The following RNGTT variants were observed in gnomAD, a reference collection of about 807,000 sequenced individuals.
The protein encoded by RNGTT is RNA guanylyltransferase and 5'-phosphatase, also known as mRNA-capping enzyme.
In RNGTT, 33 loss-of-function variants were observed where a neutral mutation model predicts 79.3. The ratio of observed to expected loss-of-function variants is 0.42; its 90% confidence interval spans 0.32 to 0.56. The LOEUF is 0.56. Ranked by LOEUF, RNGTT falls within the 20% of genes least tolerant of loss-of-function variation. RNGTT has a pLI of 0.17. For missense variants in RNGTT, 497 were observed against 739.1 expected (o/e 0.67, Z 3.80); for synonymous variants, 222 against 235.9 (o/e 0.94, Z 0.54).
chr6:88,864,330 G>A (rs979093502), intron 8 of RNGTT, among the ~76,000 whole-genome samples: 2 of 152,090 alleles, frequency 1.3e-5, no homozygotes, highest in Admixed American at 1.3e-4. Context: ...AAGTATAGTT[G>A]AAATGCAACA....
intron 14 of RNGTT, among the ~76,000 whole-genome samples, chr6:88,637,827 T>C (rs921438665): frequency 1.3e-5 from 2 of 152,072 alleles, no homozygotes; most frequent in Non-Finnish European, 2.9e-5. Context: ...AAAATGACTT[T>C]TATGAGCCTG....
intron 2 of RNGTT, among the ~76,000 whole-genome samples, chr6:88,938,044 G>C (rs1784725593): frequency 6.6e-6 from 1 of 152,102 alleles, no homozygotes. Flanking sequence ...ATGTCTGTTA[G>C]GTCCATTTAG....
At chr6:88,769,348 G>A (rs111249065) in intron 13 of RNGTT, among the ~76,000 whole-genome samples, 1 of 138 alleles carries the variant, frequency 7.2e-3, no homozygotes, top group African/African-American at 0.028. Flanking sequence ...TTTGGTAGAG[G>A]GGGGTTTCGT....
At position 88,868,148 on chromosome 6, in the gene RNGTT, C is replaced by CAA. The variant is rs758000624; in HGVS notation, c.897-14386_897-14385dup. 9.8e-4 allele frequency among the ~76,000 whole-genome samples: 129 copies of CAA among 132,300 alleles called. 1 individual carries two copies. The highest frequency in any genetic ancestry group is 3.2e-3 in the African/African-American group (118 of 37,340). The allele number at this position is 132,300 out of a possible 152,430, so 86.8% of individuals were successfully genotyped here. ...CTTACCACACTCTTTACCTGATTTCCAAAAAAAAAAAAACAGCTCTTTTAA... is the reference window on the plus strand; with the variant it reads ...CTTACCACACTCTTTACCTGATTTCCAAAAAAAAAAAAAAACAGCTCTTTTAA... On this transcript the variant is annotated intron_variant, in intron 8 of 15. Coordinates refer to ENST00000369485, the MANE Select transcript of RNGTT (RefSeq NM_003800.5).
intron 14 of RNGTT, among the ~76,000 whole-genome samples, chr6:88,632,477 G>A (rs1322493816): frequency 6.6e-6 from 1 of 151,310 alleles, no homozygotes; most frequent in East Asian, 1.9e-4. Context: ...ATTTAAGTTT[G>A]ATCCAGTTTA....
At chr6:88,709,578 TA>T (rs1199179655) in intron 13 of RNGTT, among the ~76,000 whole-genome samples, 2 of 152,216 alleles carry the variant, frequency 1.3e-5, no homozygotes, top group African/African-American at 4.8e-5. Flanking sequence ...GTAGTCATAT[TA>T]AAAAAGATGA....
rs140425521 is a variant in RNGTT at position 88,658,801 on chromosome 6, A to C, written c.1506+19552T>G. On this transcript the variant is annotated intron_variant, in intron 14 of 15. Transcript: ENST00000369485. ...GGCCTCCATGTTTCTCCTGTGCTGGATGCTTCCTGCCCTCAAACATCAGAC... is the reference window on the plus strand; with the variant it reads ...GGCCTCCATGTTTCTCCTGTGCTGGCTGCTTCCTGCCCTCAAACATCAGAC... 5.5e-3 allele frequency among the ~76,000 whole-genome samples: 838 copies of C among 152,292 alleles called. 8 individuals carry two copies. Among genetic ancestry groups the C allele is most frequent in the African/African-American group, 0.018 (728 of 41,564 alleles).
chr6:88,642,083 C>CTATA (rs1361993801), intron 14 of RNGTT, among the ~76,000 whole-genome samples: 2 of 152,042 alleles, frequency 1.3e-5, no homozygotes, highest in Admixed American at 6.6e-5. Context: ...AATCAAAGTA[C>CTATA]TATATCTTTC....
intron 11 of RNGTT, among the ~76,000 whole-genome samples, chr6:88,843,812 T>C (rs1242423944): frequency 2.0e-5 from 3 of 151,396 alleles, no homozygotes; most frequent in Admixed American, 1.3e-4. Flanking sequence ...CGCCTTGGCC[T>C]CCCAAAGTGC....
chr6:88,744,994 G>T (rs1333870892), intron 13 of RNGTT, among the ~76,000 whole-genome samples: 1 of 152,092 alleles, frequency 6.6e-6, no homozygotes, highest in Non-Finnish European at 1.5e-5. Flanking sequence ...TTAAAACAAA[G>T]TATTTTTCCT....
intron 8 of RNGTT, among the ~76,000 whole-genome samples, chr6:88,877,416 A>T (rs1782551883): frequency 6.6e-6 from 1 of 152,336 alleles, no homozygotes; most frequent in South Asian, 2.1e-4. Context: ...AAATCAGGTT[A>T]AAAATCACAA....
chr6:88,771,315 G>GTGTGTGTATGTATATA (rs1303688973), intron 12 of RNGTT, among the ~76,000 whole-genome samples: 1 of 62,070 alleles, frequency 1.6e-5, no homozygotes, highest in African/African-American at 6.6e-5. Context: ...GTGTGTGTGT[G>GTGTGTGTATGTATATA]TATATATATA....
chr6:88,875,095 T>C (rs1411837967), intron 8 of RNGTT, among the ~76,000 whole-genome samples: 4 of 152,116 alleles, frequency 2.6e-5, no homozygotes, highest in Non-Finnish European at 5.9e-5. Flanking sequence ...AACAGTTATC[T>C]ATTAAAGCAG....
At chr6:88,663,662 C>T (rs956428635) in intron 14 of RNGTT, among the ~76,000 whole-genome samples, 1 of 152,140 alleles carries the variant, frequency 6.6e-6, no homozygotes, top group African/African-American at 2.4e-5. Context: ...GCCCACAGCC[C>T]CTGAGCCTCT....
chr6:88,715,463 T>C (rs1776476439), intron 13 of RNGTT, among the ~76,000 whole-genome samples: 1 of 152,198 alleles, frequency 6.6e-6, no homozygotes, highest in South Asian at 2.1e-4. Flanking sequence ...TGGAAAAAAC[T>C]ACTTTAAAGT....
At chr6:88,933,386 TAAC>T (rs1562051538) in intron 2 of RNGTT, among the ~76,000 whole-genome samples, 2 of 152,206 alleles carry the variant, frequency 1.3e-5, no homozygotes, top group Non-Finnish European at 2.9e-5. Flanking sequence ...ATGTTTGCAC[TAAC>T]CAACCTCCCT....
chr6:88,869,149 T>C (rs1299500932), intron 8 of RNGTT, among the ~76,000 whole-genome samples: 1 of 152,142 alleles, frequency 6.6e-6, no homozygotes, highest in Non-Finnish European at 1.5e-5. Context: ...AAAATCTAAA[T>C]AACAAAACCG....
chr6:88,788,740 T>G (rs1156607921), intron 12 of RNGTT, among the ~76,000 whole-genome samples: 1 of 152,218 alleles, frequency 6.6e-6, no homozygotes, highest in African/African-American at 2.4e-5. Flanking sequence ...GTGAGTGAAC[T>G]AGATAACCTC....
chr6:88,831,872 C>T (rs1235953205), intron 11 of RNGTT, among the ~76,000 whole-genome samples: 1 of 152,130 alleles, frequency 6.6e-6, no homozygotes, highest in Non-Finnish European at 1.5e-5. Context: ...CCTAGGAATA[C>T]AACTTACAAG....
Sources: allele counts gnomAD v4.1 joint callset (sites outside exome capture counted in the v4.1 genomes callset), GRCh38; gene constraint gnomAD v4.1.1; transcripts MANE v1.5; gene names NCBI Gene and HGNC (gene_info 2026-07-23, HGNC 2026-07-21).